Variants in CCDC77 observed in about 807,000 individuals in gnomAD.
CCDC77 encodes coiled-coil domain-containing protein 77.
Under a neutral mutation model 66.8 loss-of-function variants are expected in CCDC77, and 56 were observed. That is an observed-to-expected ratio of 0.84 (90% CI 0.68 to 1.05). The LOEUF (loss-of-function observed/expected upper bound fraction) is 1.05, where lower values mean the gene tolerates loss of function less well. Ranked by LOEUF, CCDC77 falls within the 50% of genes least tolerant of loss-of-function variation. The pLI is 0.00. For synonymous variants in CCDC77, 196 were observed against 195.2 expected (o/e 1.00, Z -0.03); for missense variants, 570 against 576.8 (o/e 0.99, Z 0.12).
intron 4 of CCDC77, among the ~76,000 whole-genome samples, chr12:414,794 T>G (rs542504860): frequency 6.6e-6 from 1 of 152,212 alleles, no homozygotes; most frequent in South Asian, 2.1e-4. Context: ...TATTACTTAA[T>G]CCATTCCCAC....
upstream of CCDC77, among the ~76,000 whole-genome samples, chr12:399,170 G>T (rs923750926): frequency 6.7e-6 from 1 of 148,896 alleles, no homozygotes; most frequent in Non-Finnish European, 1.5e-5. Context: ...ATAGCCTTAT[G>T]AAATATTTTT....
chr12:413,387 C>A (rs1945154172), intron 4 of CCDC77, among the ~76,000 whole-genome samples: 1 of 150,626 alleles, frequency 6.6e-6, no homozygotes. Flanking sequence ...CTGGTGCCTG[C>A]CACCATGCCC....
At chr12:400,441 T>C (rs981674382), upstream of CCDC77, among the ~76,000 whole-genome samples, 3 of 152,254 alleles carry the variant, frequency 2.0e-5, no homozygotes, top group Admixed American at 2.0e-4. Context: ...GCTTTCAACA[T>C]GCCTTTTTCA....
At chr12:389,386 C>G (rs1944702719) in exon 1 of CCDC77, 2 of 564,978 alleles carry the variant, frequency 3.5e-6, no homozygotes, top group South Asian at 3.9e-5. Flanking sequence ...TGTGTCTGGC[C>G]TTTCCTTCTT....
chr12:411,684 G>T, intron 3 of CCDC77, 63 bp from the exon 4 acceptor site: 4 of 1,320,320 alleles, frequency 3.0e-6, no homozygotes, highest in Non-Finnish European at 4.2e-6. Flanking sequence ...CTTTTATTTA[G>T]GAAGTTATAA....
intron 8 of CCDC77, 42 bp downstream of exon 8, chr12:431,996 C>G (rs761848923): frequency 8.3e-7 from 1 of 1,211,532 alleles, no homozygotes; most frequent in East Asian, 2.3e-5. Flanking sequence ...CTTTTATCCA[C>G]AGGTGCAGCT....
chr12:422,194 AAT>A (rs766284994), intron 5 of CCDC77, among the ~76,000 whole-genome samples: 2 of 135,646 alleles, frequency 1.5e-5, no homozygotes, highest in East Asian at 2.5e-4. Flanking sequence ...TGAGAGGGTA[AAT>A]ACACACATAG....
At chr12:409,844 A>AAAAAATT (rs1416476384) in intron 3 of CCDC77, 1 of 156,104 alleles carries the variant, frequency 6.4e-6, no homozygotes, top group Non-Finnish European at 1.4e-5. Context: ...AAAAAAAAAA[A>AAAAAATT]AAAATTAACT....
intron 6 of CCDC77, among the ~76,000 whole-genome samples, chr12:430,063 G>A (rs374712462): frequency 2.6e-5 from 4 of 151,822 alleles, no homozygotes; most frequent in African/African-American, 4.8e-5. Context: ...GTGCAATCTC[G>A]GCTCACCACA....
chr12:441,745 C>T (rs573209387), intron 12 of CCDC77, 29 bp from the exon 13 acceptor site: 48 of 1,441,274 alleles, frequency 3.3e-5, no homozygotes, highest in Middle Eastern at 1.8e-4. Flanking sequence ...ATCATCATTT[C>T]TTTTTTTTTT....
At chr12:407,989 G>A (rs1391027887) in intron 2 of CCDC77, among the ~76,000 whole-genome samples, 14 of 151,852 alleles carry the variant, frequency 9.2e-5, no homozygotes, top group East Asian at 1.9e-4. Flanking sequence ...GGGTTTCACC[G>A]TGTTAGCCAG....
chr12:424,534 C>T (rs949450508), intron 5 of CCDC77, among the ~76,000 whole-genome samples: 2 of 151,418 alleles, frequency 1.3e-5, no homozygotes, highest in African/African-American at 4.9e-5. Context: ...TCACTATATT[C>T]CTTAGGCTGG....
At chr12:392,746 C>CA (rs753652065) in intron 1 of CCDC77, among the ~76,000 whole-genome samples, 28,425 of 143,370 alleles carry the variant, frequency 0.2, 4,392 homozygotes, top group East Asian at 0.5. Flanking sequence ...CTCTGTCTCA[C>CA]AAAAAAAAAA....
At chr12:405,918 T>C (rs1944981775) in intron 2 of CCDC77, among the ~76,000 whole-genome samples, 2 of 13,714 alleles carry the variant, frequency 1.5e-4, no homozygotes, top group South Asian at 3.6e-3. Flanking sequence ...GTGTTCAACT[T>C]TTTTTTTTTT....
chr12:414,958 T>C (rs1945195891), intron 4 of CCDC77, among the ~76,000 whole-genome samples: 1 of 152,174 alleles, frequency 6.6e-6, no homozygotes, highest in South Asian at 2.1e-4. Context: ...TTTGTACTTG[T>C]CCAAATTTAA....
rs1275462208 is a variant in CCDC77, at chr12:426,177, C to T, written c.414-2592C>T. Among the ~76,000 whole-genome samples the T allele has an allele frequency of 2.0e-5, 3 of 152,096 alleles. No individual in the cohort carries two copies. In the East Asian group the frequency reaches 5.8e-4, roughly 29 times the overall value. Reference sequence around the variant, plus strand: ...CGCGCCCAGCCCAGATTCTTTTATACTGTATTGACAGAAAGTAAAAGCGTT... The same window carrying T: ...CGCGCCCAGCCCAGATTCTTTTATATTGTATTGACAGAAAGTAAAAGCGTT... On this transcript the variant is annotated intron_variant, in intron 5 of 12. Coordinates refer to ENST00000239830, the MANE Select transcript of CCDC77 (RefSeq NM_032358.4).
chr12:390,950 A>G (rs142975653), intron 1 of CCDC77, among the ~76,000 whole-genome samples: 18 of 152,284 alleles, frequency 1.2e-4, no homozygotes, highest in African/African-American at 4.1e-4. Context: ...TTCTAAGAAG[A>G]TGAGAGTGGA....
At chr12:403,629 A>G (rs1944937528) in intron 1 of CCDC77, among the ~76,000 whole-genome samples, 1 of 152,204 alleles carries the variant, frequency 6.6e-6, no homozygotes, top group African/African-American at 2.4e-5. Flanking sequence ...AATAGCTGGG[A>G]CTACAGGCAC....
intron 5 of CCDC77, among the ~76,000 whole-genome samples, chr12:419,397 G>A (rs1385539033): frequency 2.0e-5 from 3 of 152,242 alleles, no homozygotes; most frequent in Non-Finnish European, 2.9e-5. Flanking sequence ...AGGAGTCATA[G>A]CAGTACACTA....
Sources: allele counts gnomAD v4.1 joint callset (sites outside exome capture counted in the v4.1 genomes callset), GRCh38; gene constraint gnomAD v4.1.1; transcripts MANE v1.5; gene names NCBI Gene and HGNC (gene_info 2026-07-23, HGNC 2026-07-21).